Variants in MAML3 observed in about 807,000 individuals in gnomAD.
MAML3 encodes mastermind like transcriptional coactivator 3, also known as mastermind-like protein 3.
In MAML3, 27 loss-of-function variants were observed where a neutral mutation model predicts 101.9. That is an observed-to-expected ratio of 0.27 (90% confidence interval 0.20 to 0.37). MAML3 has a LOEUF of 0.37. MAML3 is among the 10% of genes least tolerant of loss of function. MAML3 has a pLI of 1.00. For synonymous variants in MAML3, 501 were observed against 555.9 expected, an observed-to-expected ratio of 0.90 and a Z score of 1.39; for missense variants, 1,316 against 1,444.9, an observed-to-expected ratio of 0.91 and a Z score of 1.45.
intron 2 of MAML3, among the ~76,000 whole-genome samples, chr4:139,800,417 C>T (rs944427551): frequency 3.9e-5 from 6 of 152,110 alleles, no homozygotes; most frequent in African/African-American, 1.2e-4. Context: ...TAGGGGCTGT[C>T]TCAAATACCT....
At chr4:139,860,262 A>C (rs1011334844) in intron 2 of MAML3, among the ~76,000 whole-genome samples, 1 of 152,112 alleles carries the variant, frequency 6.6e-6, no homozygotes, top group Non-Finnish European at 1.5e-5. Flanking sequence ...TTGGCTTCCC[A>C]CCGCGCCCCA....
At chr4:139,879,525 GA>G (rs5862443) in intron 2 of MAML3, among the ~76,000 whole-genome samples, 34,411 of 115,330 alleles carry the variant, frequency 0.3, 4,821 homozygotes, top group East Asian at 0.57. Flanking sequence ...GGCTCTGACT[GA>G]AAAAAAAAAA....
At chr4:139,762,844 C>T (rs891394964) in intron 2 of MAML3, among the ~76,000 whole-genome samples, 5 of 152,142 alleles carry the variant, frequency 3.3e-5, no homozygotes, top group African/African-American at 1.2e-4. Context: ...TGGGGTGTGG[C>T]CAGGCACAGC....
rs115510887 is a variant in MAML3, at chr4:140,002,691, C to A, written c.469-111724G>T. Among the ~76,000 whole-genome samples the A allele has an allele frequency of 4.2e-3, 640 of 152,304 alleles. 10 individuals carry two copies. Among genetic ancestry groups the A allele is most frequent in the African/African-American group, 0.014 (598 of 41,554 alleles). On this transcript the variant is annotated intron_variant, in intron 1 of 4. Transcript: ENST00000509479. ...ACAGTATCATTTATGTGGCTGCCCT[C>A]AAGGATAATATGCCCTGGAGCAGAG...
chr4:140,079,323 T>G (rs1483400303), intron 1 of MAML3, among the ~76,000 whole-genome samples: 1 of 152,172 alleles, frequency 6.6e-6, no homozygotes, highest in East Asian at 1.9e-4. Flanking sequence ...GATGGAGTCT[T>G]GCTCAGTTGC....
Position 139,738,407 on chromosome 4 carries a change from G to C in MAML3, c.2080-7740C>G, listed in dbSNP as rs566858557. On this transcript the variant is annotated intron_variant, in intron 2 of 4. Coordinates refer to ENST00000509479, the MANE Select transcript of MAML3 (RefSeq NM_018717.5). The stretch of plus-strand genomic sequence containing the variant: ...AAAATACAAAAATTAGCTGGGCTTG[G>C]TGGCGTGTGCCTGTAGTCCCAGTTA... Among the ~76,000 whole-genome samples the C allele has an allele frequency of 2.3e-3, 352 of 152,270 alleles. 1 individual carries two copies. Among genetic ancestry groups the C allele is most frequent in the African/African-American group, 8.2e-3 (340 of 41,552 alleles).
At chr4:139,984,554 C>T (rs1396521200) in intron 1 of MAML3, among the ~76,000 whole-genome samples, 2 of 152,164 alleles carry the variant, frequency 1.3e-5, no homozygotes, top group Non-Finnish European at 2.9e-5. Context: ...AAATACTTTG[C>T]TCCTACTCTT....
intron 2 of MAML3, among the ~76,000 whole-genome samples, chr4:139,787,994 A>G (rs1730336260): frequency 6.6e-6 from 1 of 152,224 alleles, no homozygotes; most frequent in Admixed American, 6.5e-5. Flanking sequence ...GGGTTTTAAA[A>G]GGTGTAGAAT....
At chr4:139,878,583 T>C (rs191962242) in intron 2 of MAML3, among the ~76,000 whole-genome samples, 103 of 152,294 alleles carry the variant, frequency 6.8e-4, no homozygotes, top group African/African-American at 2.3e-3. Context: ...CCTACTCTCT[T>C]ACCTGTGAGT....
rs564848469 is a variant in MAML3 at position 139,843,073 on chromosome 4, G to A, written c.2079+46284C>T. On this transcript the variant is annotated intron_variant, in intron 2 of 4. Coordinates refer to ENST00000509479, the MANE Select transcript of MAML3 (RefSeq NM_018717.5). ...TGGGATTACAGTCCCCAGTCACCAC[G>A]TCCAGCCAAGGCCAGTTCCTTTTGT... Among the ~76,000 whole-genome samples, 42 of 152,070 alleles carry A rather than the reference G, an allele frequency of 2.8e-4. 1 individual carries two copies. The South Asian group carries it at 6.8e-3, about 25-fold the overall frequency.
intron 1 of MAML3, among the ~76,000 whole-genome samples, chr4:140,115,258 T>C (rs1728499935): frequency 1.3e-5 from 2 of 152,236 alleles, no homozygotes; most frequent in African/African-American, 2.4e-5. Flanking sequence ...CAATACATTT[T>C]ATTTTTAAGT....
At chr4:139,760,983 A>G (rs186657382) in intron 2 of MAML3, among the ~76,000 whole-genome samples, 1 of 151,294 alleles carries the variant, frequency 6.6e-6, no homozygotes, top group Non-Finnish European at 1.5e-5. Context: ...TTTGAGATGG[A>G]GTTTCACTCA....
chr4:139,892,889 C>G (rs1041814094), intron 1 of MAML3, among the ~76,000 whole-genome samples: 1 of 148,572 alleles, frequency 6.7e-6, no homozygotes, highest in Admixed American at 6.8e-5. Flanking sequence ...CGAGATCGTG[C>G]CACTGCACTC....
intron 1 of MAML3, among the ~76,000 whole-genome samples, chr4:140,127,061 G>A (rs922296334): frequency 4.6e-5 from 7 of 152,136 alleles, no homozygotes; most frequent in African/African-American, 1.2e-4. Flanking sequence ...TCACACCCTC[G>A]TTTATAATCC....
intron 2 of MAML3, among the ~76,000 whole-genome samples, chr4:139,768,050 C>G (rs954022420): frequency 6.6e-6 from 1 of 152,156 alleles, no homozygotes; most frequent in Non-Finnish European, 1.5e-5. Flanking sequence ...GTTGGCCACT[C>G]ATATGTCTTC....
chr4:139,885,840 G>C lies in MAML3; in HGVS notation c.2079+3517C>G, dbSNP rs867405506. On this transcript the variant is annotated intron_variant, in intron 2 of 4. Transcript: ENST00000509479. ...CCCAGCTACTCGGGAGGCTGAGGCAGGAGAATGGCGTGAACCCGGGAGGTG... is the reference window on the plus strand; with the variant it reads ...CCCAGCTACTCGGGAGGCTGAGGCACGAGAATGGCGTGAACCCGGGAGGTG... Among the ~76,000 whole-genome samples the C allele has an allele frequency of 4.5e-4, 66 of 148,306 alleles. 2 individuals carry two copies. Among genetic ancestry groups the C allele is most frequent in the Non-Finnish European group, 5.9e-5 (4 of 67,254 alleles).
chr4:139,872,037 AT>A (rs1396050325), intron 2 of MAML3, among the ~76,000 whole-genome samples: 2 of 152,166 alleles, frequency 1.3e-5, no homozygotes, highest in African/African-American at 4.8e-5. Context: ...GCAGGCACTA[AT>A]TTTTTGTAGC....
intron 1 of MAML3, among the ~76,000 whole-genome samples, chr4:139,995,004 TATG>T (rs1347680365): frequency 1.1e-4 from 16 of 152,210 alleles, no homozygotes; most frequent in Non-Finnish European, 1.9e-4. Context: ...CATCATTATA[TATG>T]ATGTTAACTG....
chr4:139,747,755 A>T, intron 2 of MAML3, among the ~76,000 whole-genome samples: 1 of 151,996 alleles, frequency 6.6e-6, no homozygotes, highest in Non-Finnish European at 1.5e-5. Flanking sequence ...ACTAAGAGTA[A>T]TAAGAATGCA....
Sources: gnomAD v4.1 joint callset for allele counts (sites outside exome capture counted in the v4.1 genomes callset) on GRCh38, gnomAD v4.1.1 for gene constraint, MANE v1.5 for transcripts, NCBI Gene and HGNC (gene_info 2026-07-23, HGNC 2026-07-21) for gene names.